Variants in SORCS2 observed in about 807,000 individuals in gnomAD.
The protein encoded by SORCS2 is sortilin related VPS10 domain containing receptor 2.
Under a neutral mutation model 141.6 loss-of-function variants are expected in SORCS2, and 100 were observed. The observed-to-expected ratio is 0.71, with a 90% confidence interval of 0.60 to 0.83. SORCS2 has a LOEUF of 0.83. Ranked by LOEUF, SORCS2 falls within the 40% of genes least tolerant of loss-of-function variation. The pLI, the probability that SORCS2 is intolerant of heterozygous loss-of-function variation, is 0.00. For synonymous variants in SORCS2, 789 were observed against 676.9 expected (o/e 1.17, Z -2.57); for missense variants, 1,646 against 1,560.2 (o/e 1.05, Z -0.93).
chr4:7,367,559 T>G (rs1307414043), intron 1 of SORCS2, among the ~76,000 whole-genome samples: 3 of 152,184 alleles, frequency 2.0e-5, no homozygotes, highest in African/African-American at 7.2e-5. Flanking sequence ...GCTAGAGCTA[T>G]GGTTGCCAGG....
At chr4:7,553,090 G>A (rs1327146679) in intron 3 of SORCS2, among the ~76,000 whole-genome samples, 1 of 152,158 alleles carries the variant, frequency 6.6e-6, no homozygotes, top group Non-Finnish European at 1.5e-5. Context: ...GTGATGTGGA[G>A]GGGGCGCTAA....
chr4:7,484,764 A>ACCTCCTGCACCCAGC (rs1426971265), intron 2 of SORCS2, among the ~76,000 whole-genome samples: 2 of 151,300 alleles, frequency 1.3e-5, no homozygotes, highest in Admixed American at 6.6e-5. Flanking sequence ...AACACACACC[A>ACCTCCTGCACCCAGC]CCTCCTGCAC....
intron 2 of SORCS2, chr4:7,434,261 A>C: frequency 6.2e-7 from 1 of 1,613,446 alleles, no homozygotes; most frequent in Non-Finnish European, 8.5e-7. Flanking sequence ...TGGATGTTCA[A>C]GTCGGCCAAG....
chr4:7,625,224 T>C (rs191251755), intron 3 of SORCS2, among the ~76,000 whole-genome samples: 1 of 152,288 alleles, frequency 6.6e-6, no homozygotes, highest in East Asian at 1.9e-4. Flanking sequence ...GTGGCTGTTT[T>C]ACTAAATTAT....
chr4:7,675,951 G>A, intron 8 of SORCS2, 99 bp from the exon 9 acceptor site: 1 of 1,370,762 alleles, frequency 7.3e-7, no homozygotes, highest in Non-Finnish European at 1.0e-6. Flanking sequence ...GGAGAGCCAG[G>A]GGTCTTCTGC....
intron 2 of SORCS2, among the ~76,000 whole-genome samples, chr4:7,461,179 A>AT (rs36126461): frequency 0.53 from 80,054 of 151,990 alleles, 21,730 homozygotes; most frequent in African/African-American, 0.59. Flanking sequence ...TAAATTATTC[A>AT]TCATTTCCTG....
In SORCS2 at chr4:7,434,663, C is replaced by T. The variant is rs189025474; in HGVS notation, c.548+38308C>T. 235 of 1,612,818 alleles carry T rather than the reference C, an allele frequency of 1.5e-4. 1 individual carries two copies. Among genetic ancestry groups the T allele is most frequent in the Non-Finnish European group, 1.8e-4 (215 of 1,179,510 alleles). On this transcript the variant is annotated intron_variant, in intron 2 of 26. Coordinates refer to ENST00000507866, the MANE Select transcript of SORCS2 (RefSeq NM_020777.3). ...TCAGGGTTCAGCCCATTGCCAGCGGCGGCTGCTATGTCCTGGCATACGTCG... is the reference window on the plus strand; with the variant it reads ...TCAGGGTTCAGCCCATTGCCAGCGGTGGCTGCTATGTCCTGGCATACGTCG...
intron 1 of SORCS2, among the ~76,000 whole-genome samples, chr4:7,388,232 C>T (rs998888709): frequency 1.3e-5 from 2 of 152,200 alleles, no homozygotes; most frequent in Non-Finnish European, 2.9e-5. Context: ...CTGCTCCTAA[C>T]TAGAGCAGCT....
intron 1 of SORCS2, among the ~76,000 whole-genome samples, chr4:7,223,781 G>T (rs1461382042): frequency 1.3e-5 from 2 of 152,116 alleles, no homozygotes; most frequent in Non-Finnish European, 2.9e-5. Context: ...TGCCTGGTCT[G>T]GCCTGTGGCC....
intron 1 of SORCS2, among the ~76,000 whole-genome samples, chr4:7,229,755 CA>C (rs1711683350): frequency 6.6e-6 from 1 of 151,900 alleles, no homozygotes. Flanking sequence ...GGAGCAGTGT[CA>C]TGTGCTCATG....
chr4:7,650,688 G>T (rs1265359498), intron 4 of SORCS2, among the ~76,000 whole-genome samples: 1 of 150,698 alleles, frequency 6.6e-6, no homozygotes, highest in Non-Finnish European at 1.5e-5. Context: ...GCAGACCCGG[G>T]TCCCCGCCTC....
At chr4:7,423,742 G>T (rs1437188798) in intron 2 of SORCS2, among the ~76,000 whole-genome samples, 1 of 152,158 alleles carries the variant, frequency 6.6e-6, no homozygotes, top group Non-Finnish European at 1.5e-5. Flanking sequence ...CTCTGGGGTG[G>T]ATGACTTTCT....
At chr4:7,409,108 T>C (rs559964726) in intron 2 of SORCS2, among the ~76,000 whole-genome samples, 2 of 152,354 alleles carry the variant, frequency 1.3e-5, no homozygotes, top group South Asian at 4.1e-4. Flanking sequence ...GAGATCATGG[T>C]TCCCTGTTTG....
Position 7,714,228 on chromosome 4 carries a change from T to G in SORCS2, c.1990-12T>G. The stretch of plus-strand genomic sequence containing the variant: ...TCTCAGGCAGCTCCTTACCCTGATG[T>G]TCCTGCTGCAGGGCGACCGCTGTAT... On this transcript the variant is annotated splice_polypyrimidine_tract_variant and intron_variant, in intron 15 of 26. Coordinates refer to ENST00000507866, the MANE Select transcript of SORCS2 (RefSeq NM_020777.3). The G allele has an allele frequency of 6.2e-7, 1 of 1,608,594 alleles. No homozygotes were observed. Among genetic ancestry groups the G allele is most frequent in the African/African-American group, 1.3e-5 (1 of 74,972 alleles).
intron 1 of SORCS2, among the ~76,000 whole-genome samples, chr4:7,299,878 G>A (rs1028412900): frequency 1.3e-5 from 2 of 152,198 alleles, no homozygotes; most frequent in African/African-American, 2.4e-5. Flanking sequence ...GTTGGCCTCC[G>A]CTTGTCCTTC....
intron 2 of SORCS2, among the ~76,000 whole-genome samples, chr4:7,483,042 C>T (rs554014842): frequency 5.3e-5 from 8 of 152,250 alleles, no homozygotes; most frequent in Non-Finnish European, 7.4e-5. Context: ...AAGGAGAGGC[C>T]GGGCGCGGTG....
intron 1 of SORCS2, among the ~76,000 whole-genome samples, chr4:7,238,877 TG>T (rs1224653221): frequency 1.3e-5 from 2 of 152,170 alleles, no homozygotes; most frequent in Non-Finnish European, 2.9e-5. Context: ...CATGTGGCTG[TG>T]GCACTCTTTA....
intron 2 of SORCS2, among the ~76,000 whole-genome samples, chr4:7,474,690 C>G (rs1730184179): frequency 1.3e-5 from 2 of 152,192 alleles, no homozygotes; most frequent in Non-Finnish European, 2.9e-5. Context: ...CCCTGGGGAG[C>G]CTCGTGGAGC....
intron 1 of SORCS2, among the ~76,000 whole-genome samples, chr4:7,291,669 G>A (rs1341036157): frequency 6.6e-6 from 1 of 152,184 alleles, no homozygotes; most frequent in Non-Finnish European, 1.5e-5. Flanking sequence ...AAGAGTCTCC[G>A]AGACAGGAGA....
Sources: gnomAD v4.1 joint callset for allele counts (sites outside exome capture counted in the v4.1 genomes callset) on GRCh38, gnomAD v4.1.1 for gene constraint, MANE v1.5 for transcripts, NCBI Gene and HGNC (gene_info 2026-07-23, HGNC 2026-07-21) for gene names.